C8orf34: variants seen among roughly 807,000 people sequenced by gnomAD.
C8orf34 encodes the protein chromosome 8 open reading frame 34.
Under a neutral mutation model 68.3 loss-of-function variants are expected in C8orf34, and 65 were observed. That is an observed-to-expected ratio of 0.95 (90% CI 0.78 to 1.17). The LOEUF is 1.17. Ranked by LOEUF, C8orf34 falls within the 50% of genes most tolerant of loss-of-function variation. The pLI is 0.00. For synonymous variants in C8orf34, 244 were observed against 241.2 expected, an observed-to-expected ratio of 1.01 and a Z score of -0.11; for missense variants, 664 against 655.4, an observed-to-expected ratio of 1.01 and a Z score of -0.14.
intron 3 of C8orf34, among the ~76,000 whole-genome samples, chr8:68,454,406 G>T (rs1036661048): frequency 8.0e-4 from 122 of 152,110 alleles, no homozygotes; most frequent in African/African-American, 2.7e-3. Context: ...CCTTGTCCTT[G>T]TTGGGAGATT....
At chr8:68,617,518 G>A (rs1818260609) in intron 7 of C8orf34, among the ~76,000 whole-genome samples, 1 of 152,128 alleles carries the variant, frequency 6.6e-6, no homozygotes, top group African/African-American at 2.4e-5. Context: ...TGTCTGTAAA[G>A]TATTTTATTT....
chr8:68,805,235 T>C (rs556529587), intron 12 of C8orf34, among the ~76,000 whole-genome samples: 274 of 152,368 alleles, frequency 1.8e-3, no homozygotes, highest in Middle Eastern at 3.4e-3. Context: ...ACTTCCTTAA[T>C]GATCCAGTAA....
At chr8:68,332,673 A>C (rs1028376453) in intron 1 of C8orf34, among the ~76,000 whole-genome samples, 13 of 152,176 alleles carry the variant, frequency 8.5e-5, no homozygotes, top group African/African-American at 2.9e-4. Context: ...GGTTTCACAT[A>C]ACAAGATTTG....
chr8:68,479,399 G>A (rs1348542820), intron 4 of C8orf34, among the ~76,000 whole-genome samples: 2 of 97,832 alleles, frequency 2.0e-5, no homozygotes, highest in African/African-American at 3.8e-5. Context: ...GAGACACAGA[G>A]AAACAGTGAG....
intron 7 of C8orf34, among the ~76,000 whole-genome samples, chr8:68,609,351 G>A (rs1285934056): frequency 6.6e-6 from 1 of 152,128 alleles, no homozygotes; most frequent in Non-Finnish European, 1.5e-5. Flanking sequence ...GTATGCACGT[G>A]ATAGTTGAAA....
At chr8:68,705,820 TG>T (rs1245764376) in intron 8 of C8orf34, among the ~76,000 whole-genome samples, 2 of 151,906 alleles carry the variant, frequency 1.3e-5, no homozygotes, top group Non-Finnish European at 2.9e-5. Flanking sequence ...AAATACTGGT[TG>T]GGGGGTGATA....
chr8:68,630,809 T>G (rs1818667651), intron 7 of C8orf34, among the ~76,000 whole-genome samples: 2 of 152,030 alleles, frequency 1.3e-5, no homozygotes, highest in South Asian at 4.2e-4. Flanking sequence ...AGACAGGATC[T>G]CACTCTGTCT....
intron 8 of C8orf34, among the ~76,000 whole-genome samples, chr8:68,654,265 A>C (rs1014913133): frequency 6.6e-6 from 1 of 152,204 alleles, no homozygotes; most frequent in Non-Finnish European, 1.5e-5. Context: ...CCCAGCCTAC[A>C]GAAGTGTGAG....
chr8:68,422,036 C>G (rs529380618), intron 1 of C8orf34, among the ~76,000 whole-genome samples: 36 of 152,288 alleles, frequency 2.4e-4, no homozygotes, highest in Admixed American at 1.3e-3. Context: ...CTGGTTCCAC[C>G]CTTGACACAT....
At chr8:68,600,678 C>T (rs745596931) in intron 7 of C8orf34, among the ~76,000 whole-genome samples, 4 of 152,044 alleles carry the variant, frequency 2.6e-5, no homozygotes, top group South Asian at 2.1e-4. Context: ...TGTGATATTT[C>T]GCTACATGCA....
At chr8:68,717,318 C>T (rs2129526316) in intron 9 of C8orf34, among the ~76,000 whole-genome samples, 1 of 152,136 alleles carries the variant, frequency 6.6e-6, no homozygotes, top group East Asian at 1.9e-4. Context: ...GTTAGGATTC[C>T]TGGTTTTTCA....
intron 8 of C8orf34, among the ~76,000 whole-genome samples, chr8:68,676,360 C>G (rs1261932660): frequency 2.6e-5 from 4 of 151,890 alleles, no homozygotes; most frequent in Non-Finnish European, 5.9e-5. Context: ...GCACCTAACT[C>G]TAGAGCACCA....
intron 10 of C8orf34, among the ~76,000 whole-genome samples, chr8:68,723,631 A>G (rs1007241373): frequency 6.6e-6 from 1 of 152,148 alleles, no homozygotes. Flanking sequence ...GGTTGTAATA[A>G]TCTGTCATTC....
chr8:68,605,808 T>C (rs1321697334), intron 7 of C8orf34, among the ~76,000 whole-genome samples: 2 of 152,136 alleles, frequency 1.3e-5, no homozygotes, highest in Non-Finnish European at 2.9e-5. Context: ...TATGTCATTA[T>C]ACATTTGTCC....
At chr8:68,614,463 TGTATAAG>T (rs1366344226) in intron 7 of C8orf34, among the ~76,000 whole-genome samples, 2 of 152,148 alleles carry the variant, frequency 1.3e-5, no homozygotes, top group Non-Finnish European at 2.9e-5. Context: ...AATTAATTTT[TGTATAAG>T]GTATAAGGAA....
chr8:68,688,133 G>T (rs34011943), intron 8 of C8orf34, among the ~76,000 whole-genome samples: 30,199 of 151,894 alleles, frequency 0.2, 3,450 homozygotes, highest in East Asian at 0.56. Flanking sequence ...AACAATAGAT[G>T]TTGGCATGGA....
intron 1 of C8orf34, among the ~76,000 whole-genome samples, chr8:68,350,218 A>T (rs897314209): frequency 6.7e-6 from 1 of 150,068 alleles, no homozygotes; most frequent in African/African-American, 2.4e-5. Flanking sequence ...TAATTTCATT[A>T]CTTATCCATG....
intron 10 of C8orf34, among the ~76,000 whole-genome samples, chr8:68,727,898 G>A (rs1821877754): frequency 6.6e-6 from 1 of 152,206 alleles, no homozygotes; most frequent in African/African-American, 2.4e-5. Context: ...CTGCCGAGAA[G>A]TTCTCTGACA....
At chr8:68,686,175 C>T (rs1820512702) in intron 8 of C8orf34, among the ~76,000 whole-genome samples, 1 of 151,834 alleles carries the variant, frequency 6.6e-6, no homozygotes, top group African/African-American at 2.4e-5. Context: ...AAGCCCAGGA[C>T]CAGATGGATT....
Sources: allele counts gnomAD v4.1 joint callset (sites outside exome capture counted in the v4.1 genomes callset), GRCh38; gene constraint gnomAD v4.1.1; transcripts MANE v1.5; gene names NCBI Gene and HGNC (gene_info 2026-07-23, HGNC 2026-07-21).